DYNC1I1: variants seen among roughly 807,000 people sequenced by gnomAD.
The protein encoded by DYNC1I1 is cytoplasmic dynein 1 intermediate chain 1.
A neutral mutation model predicts 86.6 loss-of-function variants in DYNC1I1; 43 were observed. The ratio of observed to expected loss-of-function variants is 0.50; its 90% CI spans 0.39 to 0.64. The LOEUF is 0.64. Among genes scored for constraint, DYNC1I1 ranks in the 30% least tolerant of loss-of-function variants. The pLI, the probability that DYNC1I1 is intolerant of heterozygous loss-of-function variation, is 0.00. For synonymous variants in DYNC1I1, 262 were observed against 283.7 expected, an observed-to-expected ratio of 0.92 and a Z score of 0.77; for missense variants, 604 against 788.8, an observed-to-expected ratio of 0.77 and a Z score of 2.81.
At chr7:96,067,949 A>C (rs1008458505) in intron 14 of DYNC1I1, among the ~76,000 whole-genome samples, 3 of 152,176 alleles carry the variant, frequency 2.0e-5, no homozygotes, top group Non-Finnish European at 4.4e-5. Context: ...GAGATCAAAG[A>C]TATCCCCACC....
intron 9 of DYNC1I1, among the ~76,000 whole-genome samples, chr7:95,995,709 G>A (rs890772423): frequency 2.6e-5 from 4 of 152,292 alleles, no homozygotes; most frequent in South Asian, 2.1e-4. Flanking sequence ...ATAATACGGA[G>A]AGGTAAAGCG....
intron 5 of DYNC1I1, among the ~76,000 whole-genome samples, chr7:95,833,358 T>G (rs2115958249): frequency 6.6e-6 from 1 of 150,618 alleles, no homozygotes; most frequent in South Asian, 2.1e-4. Context: ...TACCATGCTG[T>G]TTTGGTTACT....
chr7:95,820,553 G>A (rs1040770909), intron 4 of DYNC1I1, among the ~76,000 whole-genome samples: 5 of 152,210 alleles, frequency 3.3e-5, no homozygotes, highest in Admixed American at 1.3e-4. Flanking sequence ...GAAACTGTGC[G>A]ACTCAGGAAA....
At chr7:96,059,697 G>A (rs769226234) in intron 14 of DYNC1I1, among the ~76,000 whole-genome samples, 1 of 152,142 alleles carries the variant, frequency 6.6e-6, no homozygotes, top group Non-Finnish European at 1.5e-5. Context: ...CTGAGGAGGG[G>A]ACACTTTAAT....
chr7:96,106,272 C>T (rs902979128), intron 16 of DYNC1I1, among the ~76,000 whole-genome samples: 28 of 152,214 alleles, frequency 1.8e-4, no homozygotes, highest in African/African-American at 6.3e-4. Flanking sequence ...GTGGCTCACA[C>T]CTGTAATCCC....
chr7:95,932,442 G>T (rs1181745909), intron 6 of DYNC1I1, among the ~76,000 whole-genome samples: 1 of 152,184 alleles, frequency 6.6e-6, no homozygotes, highest in Non-Finnish European at 1.5e-5. Flanking sequence ...GCTTCTAATT[G>T]CTGGGCAGGG....
At chr7:95,920,242 C>T (rs1791575608) in intron 6 of DYNC1I1, among the ~76,000 whole-genome samples, 2 of 151,818 alleles carry the variant, frequency 1.3e-5, no homozygotes, top group South Asian at 4.1e-4. Context: ...CTTCTGTAGT[C>T]TTCCTCCCCC....
At chr7:96,017,351 A>C (rs982892181) in intron 10 of DYNC1I1, among the ~76,000 whole-genome samples, 1 of 152,162 alleles carries the variant, frequency 6.6e-6, no homozygotes, top group Non-Finnish European at 1.5e-5. Flanking sequence ...CTTGTACCAC[A>C]TCGCTATTCC....
At chr7:95,848,640 T>C (rs1355971123) in intron 5 of DYNC1I1, among the ~76,000 whole-genome samples, 1 of 152,144 alleles carries the variant, frequency 6.6e-6, no homozygotes, top group African/African-American at 2.4e-5. Context: ...GATAAACACA[T>C]AGGTTGATTT....
At chr7:95,842,763 C>T (rs146331851) in intron 5 of DYNC1I1, among the ~76,000 whole-genome samples, 36 of 152,118 alleles carry the variant, frequency 2.4e-4, no homozygotes, top group African/African-American at 8.7e-4. Context: ...CAGAGGATGT[C>T]GATTCATGTA....
chr7:95,937,245 G>T (rs1028794917), intron 6 of DYNC1I1, among the ~76,000 whole-genome samples: 2 of 151,914 alleles, frequency 1.3e-5, no homozygotes, highest in Non-Finnish European at 2.9e-5. Flanking sequence ...GCTCTAATGT[G>T]CACCATAGTG....
chr7:95,840,626 TGTTA>T (rs1003953033), intron 5 of DYNC1I1, among the ~76,000 whole-genome samples: 6 of 152,204 alleles, frequency 3.9e-5, no homozygotes, highest in Admixed American at 6.5e-5. Context: ...TGATTCTTTG[TGTTA>T]GTTTCTGCAC....
chr7:95,932,531 TGGGTAGG>T (rs1474009448), intron 6 of DYNC1I1, among the ~76,000 whole-genome samples: 1 of 152,188 alleles, frequency 6.6e-6, no homozygotes, highest in African/African-American at 2.4e-5. Context: ...GAAGTGTCCT[TGGGTAGG>T]GTATTTGTCA....
intron 4 of DYNC1I1, among the ~76,000 whole-genome samples, chr7:95,817,669 T>G (rs1794977367): frequency 6.6e-6 from 1 of 152,188 alleles, no homozygotes; most frequent in South Asian, 2.1e-4. Context: ...TCCACGTAAT[T>G]ACATAAAATT....
At position 96,032,220 on chromosome 7, in the gene DYNC1I1, T is replaced by G. The variant is rs78878118; in HGVS notation, c.1117-447T>G. On this transcript the variant is annotated intron_variant, in intron 11 of 16. Coordinates refer to ENST00000447467, the MANE Select transcript of DYNC1I1 (RefSeq NM_001135556.2). ...TAACAAATGTTTGGCATTGTGACTA[T>G]AATGCATTAAACTCCAGATTTAGTA... 1.0e-3 allele frequency among the ~76,000 whole-genome samples: 154 copies of G among 152,314 alleles called. 1 individual carries two copies. Among genetic ancestry groups the G allele is most frequent in the African/African-American group, 3.5e-3 (145 of 41,568 alleles).
At chr7:95,940,130 C>A (rs1177683564) in intron 6 of DYNC1I1, among the ~76,000 whole-genome samples, 1 of 152,206 alleles carries the variant, frequency 6.6e-6, no homozygotes, top group African/African-American at 2.4e-5. Flanking sequence ...TTGGCCCCCA[C>A]TCTCTTCTGG....
chr7:95,985,725 T>C (rs1427739608), intron 8 of DYNC1I1, among the ~76,000 whole-genome samples: 1 of 152,124 alleles, frequency 6.6e-6, no homozygotes, highest in East Asian at 1.9e-4. Context: ...GCCTGATTTT[T>C]TTTGCCATTT....
At chr7:96,108,599 C>T (rs1218180993) in intron 16 of DYNC1I1, among the ~76,000 whole-genome samples, 1 of 152,050 alleles carries the variant, frequency 6.6e-6, no homozygotes, top group East Asian at 1.9e-4. Context: ...CGCGGTGGCT[C>T]ACACCTGTAA....
chr7:95,995,927 CT>C lies in DYNC1I1; in HGVS notation c.844-19del, dbSNP rs1711764779. The C allele has an allele frequency of 6.4e-7, 1 of 1,571,564 alleles. No individual in the cohort carries two copies. Among genetic ancestry groups the C allele is most frequent in the Non-Finnish European group, 8.6e-7 (1 of 1,164,808 alleles). ...TGTTGTCATCTTAGCATAATTCATC[CT>C]TGTGACCTCTTCCATTTAGTACCCT... On this transcript the variant is annotated intron_variant, in intron 9 of 16. Transcript: ENST00000447467.
Sources: gnomAD v4.1 joint callset for allele counts (sites outside exome capture counted in the v4.1 genomes callset) on GRCh38, gnomAD v4.1.1 for gene constraint, MANE v1.5 for transcripts, NCBI Gene and HGNC (gene_info 2026-07-23, HGNC 2026-07-21) for gene names.